The following RASA3 variants were observed in gnomAD, a reference collection of about 807,000 sequenced individuals.
RASA3 encodes the protein ras GTPase-activating protein 3.
In RASA3, 73 loss-of-function variants were observed where a neutral mutation model predicts 110.0. The ratio of observed to expected loss-of-function variants is 0.66; its 90% CI spans 0.55 to 0.81. The LOEUF is 0.81. RASA3 is among the 30% of genes least tolerant of loss of function. RASA3 has a pLI of 0.00. For missense variants in RASA3, 976 were observed against 1,113.2 expected (o/e 0.88, Z 1.75); for synonymous variants, 500 against 451.4 (o/e 1.11, Z -1.37).
At position 114,011,230 on chromosome 13, in the gene RASA3, T is replaced by C. The variant is rs1331681467; in HGVS notation, c.1531A>G (p.Thr511Ala). 4 of 1,612,626 alleles carry C rather than the reference T, an allele frequency of 2.5e-6. No homozygotes were observed. Among genetic ancestry groups the C allele is most frequent in the Non-Finnish European group, 2.5e-6 (3 of 1,179,682 alleles). The change falls in exon 16 of 24, where the codon ACG becomes GCG. Residue 511 changes from threonine (T) to alanine (A), a missense_variant. Physicochemically the swap from Thr to Ala is moderately conservative, Grantham distance 58 (BLOSUM62 0). Coordinates refer to ENST00000334062, the MANE Select transcript of RASA3 (RefSeq NM_007368.4). This position sits in a 1 kb window ranked among gnomAD's most constrained non-coding sequence, Gnocchi z 4.8. ...PHHTDPQTSR[T>A]LTLISKTVQT... ...ACGGTCTTGGAGATCAATGTCAGCG[T>C]CCTGGACGTCTGGGGGTCCTGGGGA... is the stretch of plus-strand genomic sequence containing the variant.
At position 114,126,432 on chromosome 13, in the gene RASA3, C is replaced by G. The variant is rs565353741; in HGVS notation, c.55+6003G>C. On this transcript the variant is annotated intron_variant, in intron 1 of 23. Transcript: ENST00000334062. ...CCTTCCCTTCCTGAGACCTCACTCT[C>G]TCTTCAGGGGCAAGTTCAAAGCTAC... Among the ~76,000 whole-genome samples, 19 of 152,224 alleles carry G rather than the reference C, an allele frequency of 1.2e-4. No individual in the cohort carries two copies. The South Asian group carries it at 3.7e-3, about 30-fold the overall frequency.
At chr13:114,098,208 A>G (rs905133333) in intron 1 of RASA3, among the ~76,000 whole-genome samples, 4 of 152,138 alleles carry the variant, frequency 2.6e-5, no homozygotes, top group African/African-American at 9.7e-5. Context: ...TCAACAGCTC[A>G]TCAGCGACGA....
At chr13:114,124,541 C>A (rs1419463339) in intron 1 of RASA3, among the ~76,000 whole-genome samples, 1 of 152,194 alleles carries the variant, frequency 6.6e-6, no homozygotes, top group Non-Finnish European at 1.5e-5. Flanking sequence ...TTGGACTCTG[C>A]GTCACACCCA....
At chr13:114,081,948 T>C (rs2079794168) in intron 1 of RASA3, among the ~76,000 whole-genome samples, 1 of 152,148 alleles carries the variant, frequency 6.6e-6, no homozygotes, top group Non-Finnish European at 1.5e-5. Flanking sequence ...ACCTCACACC[T>C]GCACTCACCG....
intron 1 of RASA3, among the ~76,000 whole-genome samples, chr13:114,113,320 G>T (rs2080241759): frequency 6.6e-6 from 1 of 152,240 alleles, no homozygotes; most frequent in Non-Finnish European, 1.5e-5. Context: ...TGCACCTGTG[G>T]CTTGAGCTCA....
chr13:114,060,965 G>T (rs1018084662), intron 2 of RASA3, among the ~76,000 whole-genome samples: 1 of 150,440 alleles, frequency 6.6e-6, no homozygotes, highest in African/African-American at 2.4e-5. Context: ...ACAGCCGGCA[G>T]ATGGAGCCCC....
intron 7 of RASA3, among the ~76,000 whole-genome samples, chr13:114,026,399 T>G (rs2054026541): frequency 2.0e-5 from 3 of 152,234 alleles, no homozygotes; most frequent in African/African-American, 4.8e-5. Context: ...CTTCTCCGCC[T>G]GTCTATAAGT....
intron 1 of RASA3, among the ~76,000 whole-genome samples, chr13:114,109,617 T>G (rs1566580334): frequency 6.6e-6 from 1 of 152,224 alleles, no homozygotes; most frequent in East Asian, 1.9e-4. Flanking sequence ...CTGTTTTCTC[T>G]TAAAGCAACA....
At chr13:114,073,617 G>T in intron 2 of RASA3, 103 bp downstream of exon 2, 1 of 963,968 alleles carries the variant, frequency 1.0e-6, no homozygotes, top group Non-Finnish European at 1.7e-6. Flanking sequence ...CGCTCGGGAC[G>T]TTCTCCACAC....
In RASA3 at chr13:114,024,292, T is replaced by C. The variant is rs1340362597; in HGVS notation, c.667A>G (p.Lys223Glu). 1 of 1,614,020 alleles carries C rather than the reference T, an allele frequency of 6.2e-7. No homozygotes were observed. The highest frequency in any genetic ancestry group is 1.7e-5 in the Admixed American group (1 of 60,020). ...TGGTTTTCTCACCTGATTTCGAGCT[T>C]GTCCACGTCTTCCTCCTCAAAGTCA... ...HFDFEEEDVD[K>E]LEIRVDLWNA... is the part of the protein sequence containing the mutation. Residue 223 changes from lysine to glutamate, a missense_variant, in exon 8 of 24, where the codon AAG (lysine) becomes GAG (glutamate). Lys to Glu is a moderately conservative substitution (Grantham distance 56, BLOSUM62 1). Transcript: ENST00000334062.
chr13:114,024,795 G>A (rs2053997065), intron 7 of RASA3, among the ~76,000 whole-genome samples: 1 of 152,242 alleles, frequency 6.6e-6, no homozygotes, highest in Non-Finnish European at 1.5e-5. Flanking sequence ...AAACGCGTGA[G>A]GTCTGTGGAG....
chr13:114,121,135 G>A (rs1327262823), intron 1 of RASA3, among the ~76,000 whole-genome samples: 1 of 152,238 alleles, frequency 6.6e-6, no homozygotes, highest in Non-Finnish European at 1.5e-5. Context: ...CTAGAAAATT[G>A]CACAGCAGTT....
At chr13:114,013,038 C>A in intron 15 of RASA3, 104 bp downstream of exon 15, 1 of 887,880 alleles carries the variant, frequency 1.1e-6, no homozygotes, top group South Asian at 1.7e-5. Context: ...CCCACGCATT[C>A]CACACTCCAC....
At chr13:114,009,519 C>G in intron 16 of RASA3, 55 bp from the exon 17 acceptor site, 5 of 1,185,258 alleles carry the variant, frequency 4.2e-6, no homozygotes, top group Non-Finnish European at 6.3e-6. Flanking sequence ...GGCTCACGGC[C>G]CAAATCTGAA....
intron 20 of RASA3, among the ~76,000 whole-genome samples, chr13:113,998,595 C>A (rs1402447086): frequency 2.6e-5 from 4 of 152,178 alleles, no homozygotes; most frequent in African/African-American, 9.7e-5. Flanking sequence ...CACTGAGTCA[C>A]CAGGGAGAAC....
chr13:114,114,111 T>C lies in RASA3; in HGVS notation c.55+18324A>G, dbSNP rs1051129864. On this transcript the variant is annotated intron_variant, in intron 1 of 23. Transcript: ENST00000334062. This position sits in a 1 kb window ranked among gnomAD's most constrained non-coding sequence, Gnocchi z 4.8. ...TCTGCGATGTCTGTAGTGTCTGCGA[T>C]GTCTGTAGTATCTGCAATGTCCATG... Among the ~76,000 whole-genome samples the C allele has an allele frequency of 6.6e-6, 1 of 152,200 alleles. No individual in the cohort carries two copies. The highest frequency in any genetic ancestry group is 1.5e-5 in the Non-Finnish European group (1 of 68,030).
chr13:114,001,149 A>T (rs2053385776), intron 18 of RASA3, among the ~76,000 whole-genome samples: 1 of 152,252 alleles, frequency 6.6e-6, no homozygotes, highest in South Asian at 2.1e-4. Flanking sequence ...CCAGTTGGTG[A>T]TGGCACCAGG....
Position 114,129,354 on chromosome 13 carries a change from G to A in RASA3, c.55+3081C>T, listed in dbSNP as rs73569179. 8.4e-3 allele frequency among the ~76,000 whole-genome samples: 1,273 copies of A among 152,314 alleles called. 13 individuals carry two copies. Among genetic ancestry groups the A allele is most frequent in the African/African-American group, 0.028 (1,177 of 41,562 alleles). ...AGAAAGCCAGATTCTTCAAGACAAA[G>A]ACTCCAAATTGTTACCACCAAAGCA... On this transcript the variant is annotated intron_variant, in intron 1 of 23. Coordinates refer to ENST00000334062, the MANE Select transcript of RASA3 (RefSeq NM_007368.4).
chr13:114,098,506 A>C (rs2079976734), intron 1 of RASA3, among the ~76,000 whole-genome samples: 1 of 152,112 alleles, frequency 6.6e-6, no homozygotes, highest in African/African-American at 2.4e-5. Flanking sequence ...TGAACAGGCG[A>C]AAGTGCAGCA....
Sources: gnomAD v4.1 joint callset for allele counts (sites outside exome capture counted in the v4.1 genomes callset) on GRCh38, gnomAD v4.1.1 for gene constraint, Gnocchi (gnomAD v3.1) non-coding constraint, MANE v1.5 for transcripts, NCBI Gene and HGNC (gene_info 2026-07-23, HGNC 2026-07-21) for gene names.